The following DENND4B variants were observed in gnomAD, a reference collection of about 807,000 sequenced individuals.
DENND4B encodes DENN domain-containing protein 4B.
A neutral mutation model predicts 161.0 loss-of-function variants in DENND4B; 67 were observed. That is an observed-to-expected ratio of 0.42 (90% CI 0.34 to 0.51). The LOEUF is 0.51. DENND4B is among the 20% of genes least tolerant of loss of function. The pLI, the probability that DENND4B is intolerant of heterozygous loss-of-function variation, is 0.08. For missense variants in DENND4B, 1,481 were observed against 1,968.0 expected (o/e 0.75, Z 4.68); for synonymous variants, 753 against 813.8 (o/e 0.93, Z 1.27).
chr1:153,933,177 G>A lies in DENND4B; in HGVS notation c.3453+20C>T. 2 of 1,612,742 alleles carry A rather than the reference G, an allele frequency of 1.2e-6. No homozygotes were observed. Among genetic ancestry groups the A allele is most frequent in the East Asian group, 2.2e-5 (1 of 44,846 alleles). ...GCTATGTGTGTTCAAGCACATCTGT[G>A]TGGGAGGGGTTATCCTCACTTCCAG... On this transcript the variant is annotated intron_variant, in intron 21 of 27. Transcript: ENST00000361217. The surrounding 1 kb of genome is among the most constrained non-coding windows in gnomAD (Gnocchi z 5.7).
At chr1:153,945,546 G>A (rs1462311547) in intron 1 of DENND4B, among the ~76,000 whole-genome samples, 2 of 137,190 alleles carry the variant, frequency 1.5e-5, no homozygotes, top group Non-Finnish European at 3.1e-5. Context: ...TCATCACCTG[G>A]CCTCTGGACA....
intron 1 of DENND4B, chr1:153,945,162 T>C (rs1679892287): frequency 7.8e-7 from 1 of 1,288,890 alleles, no homozygotes; most frequent in Non-Finnish European, 1.0e-6. Context: ...CCCCGGGGAG[T>C]AGGAGCCCCA....
intron 2 of DENND4B, 145 bp from the exon 3 acceptor site, chr1:153,943,275 T>A (rs1167540241): frequency 8.5e-7 from 1 of 1,171,636 alleles, no homozygotes; most frequent in South Asian, 1.6e-5. Context: ...CACCTCTTCT[T>A]GCTGAACTCT....
intron 6 of DENND4B, 51 bp from the exon 7 acceptor site, chr1:153,941,491 C>G (rs181016435): frequency 5.1e-4 from 784 of 1,548,192 alleles, no homozygotes; most frequent in Non-Finnish European, 6.5e-4. Flanking sequence ...CATCCCTGTC[C>G]TCCCTCCACA....
chr1:153,933,607 C>T lies in DENND4B; in HGVS notation c.3206G>A (p.Arg1069His), dbSNP rs780951206. The T allele has an allele frequency of 1.3e-5, 20 of 1,551,436 alleles. No individual in the cohort carries two copies. Among genetic ancestry groups the T allele is most frequent in the South Asian group, 5.0e-5 (4 of 80,322 alleles). Residue 1069 changes from arginine to histidine, a missense_variant, in exon 20 of 28, where the codon CGC (arginine) becomes CAC (histidine). By Grantham distance (29) the Arg-to-His change is conservative. Around this residue, in one of 3 missense-constraint regions of DENND4B, gnomAD observed 339 missense variants for 330.3 expected, o/e 1.03. Transcript: ENST00000361217. The surrounding 1 kb of genome is among the most constrained non-coding windows in gnomAD (Gnocchi z 5.7). ...GGGAATGCGGGAGGCAGGGGAGTGG[C>T]GGGAAGGAGTGAGCAGCTGTTGGAG... ...ARLQQLLTPS[R>H]HSPASRIPPP...
In DENND4B at chr1:153,941,271, A is replaced by G. The variant is rs1283080092; in HGVS notation, c.1141T>C (p.Leu381=). 1.2e-6 allele frequency: 2 copies of G among 1,613,908 alleles called. No individual in the cohort carries two copies. The highest frequency in any genetic ancestry group is 8.5e-7 in the Non-Finnish European group (1 of 1,179,848). ...ILVQMSPYDN[L]LLCQPVSSPL... ...GAGGATACAGGCTGACAGAGGAGCAAGTTGTCATAGGGAGACATCTGGAAG... is the reference window on the plus strand; with the variant it reads ...GAGGATACAGGCTGACAGAGGAGCAGGTTGTCATAGGGAGACATCTGGAAG... Residue 381 remains leucine, a synonymous_variant, in exon 8 of 28, where the codon TTG becomes CTG. Coordinates refer to ENST00000361217, the MANE Select transcript of DENND4B (RefSeq NM_014856.3).
At position 153,944,355 on chromosome 1, in the gene DENND4B, G is replaced by T; in HGVS notation, c.20C>A (p.Pro7His). 1 of 1,607,664 alleles carries T rather than the reference G, an allele frequency of 6.2e-7. No homozygotes were observed. The highest frequency in any genetic ancestry group is 8.5e-7 in the Non-Finnish European group (1 of 1,177,276). ...TACCACGAAGTAATCCACCAGCCGG[G>T]GGGGCCGCTCCTCCGCCATGGCCCC... Reference protein sequence around the residue: MAEERPPRLVDYFVVAG... With the variant: MAEERPHRLVDYFVVAG... Residue 7 changes from proline (P) to histidine (H), a missense_variant, in exon 2 of 28, where the codon CCC (proline) becomes CAC (histidine). Pro to His is a moderately conservative substitution (Grantham distance 77). Coordinates refer to ENST00000361217, the MANE Select transcript of DENND4B (RefSeq NM_014856.3). This position sits in a 1 kb window ranked among gnomAD's most constrained non-coding sequence, Gnocchi z 4.8.
chr1:153,941,530 G>A, intron 6 of DENND4B, 90 bp from the exon 7 acceptor site: 1 of 1,443,684 alleles, frequency 6.9e-7, no homozygotes, highest in South Asian at 1.4e-5. Flanking sequence ...TTGTTCTCAA[G>A]AACCTTATTC....
rs1557847846 is a variant in DENND4B, at chr1:153,933,803, C to T, written c.3010G>A (p.Asp1004Asn). The T allele has an allele frequency of 6.2e-7, 1 of 1,612,820 alleles. No homozygotes were observed. Among genetic ancestry groups the T allele is most frequent in the East Asian group, 2.2e-5 (1 of 44,852 alleles). The part of the protein sequence containing the change: ...PVPWHDGSLS[D>N]LSLTGEEPLP... ...GGCTCCTCCCCTGTCAGGCTCAGGT[C>T]TGAGAGACTTCCATCGTGCCAGGGC... is the stretch of plus-strand genomic sequence containing the variant. Residue 1004 changes from aspartate to asparagine, a missense_variant, in exon 20 of 28, where the codon GAC becomes AAC. Transcript: ENST00000361217. The surrounding 1 kb of genome is among the most constrained non-coding windows in gnomAD (Gnocchi z 5.7).
Position 153,933,442 on chromosome 1 carries a change from C to T in DENND4B, c.3330+41G>A. 1.3e-6 allele frequency: 2 copies of T among 1,590,458 alleles called. No individual in the cohort carries two copies. The highest frequency in any genetic ancestry group is 1.3e-5 in the African/African-American group (1 of 74,596). ...TTCCAGTCGTAGCCCCTCCCCAAGCCCACTAATGCTAAGGCATCTGGACCC... is the reference window on the plus strand; with the variant it reads ...TTCCAGTCGTAGCCCCTCCCCAAGCTCACTAATGCTAAGGCATCTGGACCC... On this transcript the variant is annotated intron_variant, in intron 20 of 27. Transcript: ENST00000361217. This position sits in a 1 kb window ranked among gnomAD's most constrained non-coding sequence, Gnocchi z 5.7.
Position 153,942,648 on chromosome 1 carries a change from C to T in DENND4B, c.571-23G>A, listed in dbSNP as rs1679743591. Reference sequence around the variant, plus strand: ...CCACTACCCCAGAAATGGCAAGAGACAAGCAGATACATAGCTAACAAAGGT... The same window carrying T: ...CCACTACCCCAGAAATGGCAAGAGATAAGCAGATACATAGCTAACAAAGGT... On this transcript the variant is annotated intron_variant, in intron 3 of 27. Transcript: ENST00000361217. The surrounding 1 kb of genome is among the most constrained non-coding windows in gnomAD (Gnocchi z 6.9). The T allele has an allele frequency of 6.4e-7, 1 of 1,571,780 alleles. No individual in the cohort carries two copies. Among genetic ancestry groups the T allele is most frequent in the African/African-American group, 1.4e-5 (1 of 73,526 alleles).
rs1179199313 is a variant in DENND4B, at chr1:153,942,018, C to T, written c.906G>A (p.Glu302=). The T allele has an allele frequency of 1.9e-6, 3 of 1,611,420 alleles. No homozygotes were observed. Among genetic ancestry groups the T allele is most frequent in the Non-Finnish European group, 2.5e-6 (3 of 1,178,968 alleles). ...ARALGLLSAV[E]RGRALGGRAV... ...CTCTGCCCCCCAGTGCCCGACCCCG[C>T]TCCACGGCGCTCAGCAGGCCCAGTG... Residue 302 remains glutamate (E), a synonymous_variant, in exon 6 of 28, where the codon GAG becomes GAA. Coordinates refer to ENST00000361217, the MANE Select transcript of DENND4B (RefSeq NM_014856.3). The surrounding 1 kb of genome is among the most constrained non-coding windows in gnomAD (Gnocchi z 6.9).
At position 153,934,294 on chromosome 1, in the gene DENND4B, A is replaced by G; in HGVS notation, c.2782T>C (p.Leu928=). 6.3e-7 allele frequency: 1 copy of G among 1,586,836 alleles called. No individual in the cohort carries two copies. Among genetic ancestry groups the G allele is most frequent in the South Asian group, 1.2e-5 (1 of 86,938 alleles). The change falls in exon 19 of 28, where the codon TTG becomes CTG. Residue 928 remains leucine (L), a synonymous_variant. Coordinates refer to ENST00000361217, the MANE Select transcript of DENND4B (RefSeq NM_014856.3). This position sits in a 1 kb window ranked among gnomAD's most constrained non-coding sequence, Gnocchi z 5.3. ...EAGSSQAEPY[L]ERPSPTRPLQ... Reference sequence around the variant, plus strand: ...GGGCGAGTAGGGGAAGGGCGCTCCAAATAGGGCTCTGTAAAAGACGAGAAG... The same window carrying G: ...GGGCGAGTAGGGGAAGGGCGCTCCAGATAGGGCTCTGTAAAAGACGAGAAG...
chr1:153,940,961 C>A lies in DENND4B; in HGVS notation c.1269G>T (p.Leu423=). 6.3e-7 allele frequency: 1 copy of A among 1,597,408 alleles called. No homozygotes were observed. The highest frequency in any genetic ancestry group is 2.3e-5 in the East Asian group (1 of 44,394). ...LLLAVLTEHK[L]LVHSLRPDLL... ...GGTCTGGCCGCAGCGAGTGGACTAG[C>A]AGCTTGTGCTCTGTGAGCACAGCCA... is the stretch of plus-strand genomic sequence containing the variant. The change falls in exon 9 of 28, where the codon CTG becomes CTT. Residue 423 remains leucine, a synonymous_variant. Coordinates refer to ENST00000361217, the MANE Select transcript of DENND4B (RefSeq NM_014856.3). The surrounding 1 kb of genome is among the most constrained non-coding windows in gnomAD (Gnocchi z 5.6).
chr1:153,934,457 T>C lies in DENND4B; in HGVS notation c.2774-155A>G, dbSNP rs1205068643. Among the ~76,000 whole-genome samples the C allele has an allele frequency of 6.6e-6, 1 of 152,114 alleles. No individual in the cohort carries two copies. Among genetic ancestry groups the C allele is most frequent in the East Asian group, 1.9e-4 (1 of 5,194 alleles). ...TGTTTGTTTGTTTGTTTTGTTTTGT[T>C]TTTTGAGATGGAGTCTTGCTCTGTA... On this transcript the variant is annotated intron_variant, in intron 18 of 27. Transcript: ENST00000361217. This position sits in a 1 kb window ranked among gnomAD's most constrained non-coding sequence, Gnocchi z 5.3.
chr1:153,930,141 G>A lies in DENND4B; in HGVS notation c.*156C>T. ...GGGAATCAGGACTTTTGGTAACAGT[G>A]GATCCCTCTTCCTGTTGTCCTCGCT... On this transcript the variant is annotated 3_prime_UTR_variant, in exon 28 of 28. Transcript: ENST00000361217. This position sits in a 1 kb window ranked among gnomAD's most constrained non-coding sequence, Gnocchi z 4.7. 1 of 1,017,680 alleles carries A rather than the reference G, an allele frequency of 9.8e-7. No individual in the cohort carries two copies. Among genetic ancestry groups the A allele is most frequent in the Non-Finnish European group, 1.4e-6 (1 of 717,796 alleles). The allele number at this position is 1,017,680 out of a possible 1,614,324, so 63.0% of individuals were successfully genotyped here. A position where few individuals can be genotyped will look rare whatever the true frequency, so the allele number is the denominator to read the frequency against.
In DENND4B at chr1:153,940,466, G is replaced by A. The variant is rs746428006; in HGVS notation, c.1467C>T (p.Val489=). The change falls in exon 10 of 28, where the codon GTC becomes GTT. Residue 489 remains valine (V), a synonymous_variant. Coordinates refer to ENST00000361217, the MANE Select transcript of DENND4B (RefSeq NM_014856.3). This position sits in a 1 kb window ranked among gnomAD's most constrained non-coding sequence, Gnocchi z 5.6. ...YFDLHDPPAD[V]ICVDLDTNTL... is the part of the protein sequence containing the mutation. ...TGTTGGTATCAAGGTCTACACAGAT[G>A]ACATCAGCAGGCGGGTCATGCAGAT... The A allele has an allele frequency of 8.7e-6, 14 of 1,612,960 alleles. No homozygotes were observed. The African/African-American group carries it at 1.3e-4, about 15-fold the overall frequency.
Position 153,943,141 on chromosome 1 carries a change from A to G in DENND4B, c.318-11T>C. The stretch of plus-strand genomic sequence containing the variant: ...CCCTCATACAACACCCTTGGCACAG[A>G]GAGCAAAGATAGATGTTGAGAGGTC... On this transcript the variant is annotated splice_polypyrimidine_tract_variant and intron_variant, in intron 2 of 27. Transcript: ENST00000361217. The G allele has an allele frequency of 1.2e-6, 2 of 1,607,700 alleles. No homozygotes were observed. Among genetic ancestry groups the G allele is most frequent in the Non-Finnish European group, 1.7e-6 (2 of 1,175,422 alleles).
chr1:153,934,409 CA>C lies in DENND4B; in HGVS notation c.2774-108del. The C allele has an allele frequency of 7.2e-7, 1 of 1,388,716 alleles. No homozygotes were observed. The allele number at this position is 1,388,716 out of a possible 1,614,324, so 86.0% of individuals were successfully genotyped here. A position where few individuals can be genotyped will look rare whatever the true frequency, so the allele number is the denominator to read the frequency against. The stretch of plus-strand genomic sequence containing the variant: ...CAGGGTTTGCAGGGTTCCTCCCAGG[CA>C]AAACTTTATCCGTTTTGTGTTTGTT... On this transcript the variant is annotated intron_variant, in intron 18 of 27. Coordinates refer to ENST00000361217, the MANE Select transcript of DENND4B (RefSeq NM_014856.3). This position sits in a 1 kb window ranked among gnomAD's most constrained non-coding sequence, Gnocchi z 5.3.
Sources: allele counts gnomAD v4.1 joint callset (sites outside exome capture counted in the v4.1 genomes callset), GRCh38; gene constraint gnomAD v4.1.1; regional missense constraint gnomAD v4.1.1; non-coding constraint Gnocchi (gnomAD v3.1); transcripts MANE v1.5; gene names NCBI Gene and HGNC (gene_info 2026-07-23, HGNC 2026-07-21).